Variants in NRDC observed in about 807,000 individuals in gnomAD.
NRDC encodes the protein nardilysin.
A neutral mutation model predicts 147.1 loss-of-function variants in NRDC; 54 were observed. The ratio of observed to expected loss-of-function variants is 0.37; its 90% CI spans 0.29 to 0.46. The LOEUF (loss-of-function observed/expected upper bound fraction) is 0.46. Ranked by LOEUF, NRDC falls within the 20% of genes least tolerant of loss-of-function variation. NRDC has a pLI of 1.00. For synonymous variants in NRDC, 440 were observed against 482.1 expected, an observed-to-expected ratio of 0.91 and a Z score of 1.14; for missense variants, 1,082 against 1,370.6, an observed-to-expected ratio of 0.79 and a Z score of 3.33.
At chr1:51,861,098 C>A (rs1029430461) in intron 1 of NRDC, among the ~76,000 whole-genome samples, 2 of 151,382 alleles carry the variant, frequency 1.3e-5, no homozygotes, top group Admixed American at 1.3e-4. Flanking sequence ...TATAGGCGGG[C>A]ATCACCATGC....
chr1:51,794,985 C>T, intron 22 of NRDC, 131 bp from the exon 23 acceptor site: 1 of 1,535,074 alleles, frequency 6.5e-7, no homozygotes, highest in Non-Finnish European at 8.8e-7. Context: ...AGTTGGTGAC[C>T]TAAATGCTGG....
At chr1:51,844,799 G>A (rs75054156) in intron 1 of NRDC, among the ~76,000 whole-genome samples, 1 of 90,618 alleles carries the variant, frequency 1.1e-5, no homozygotes, top group African/African-American at 4.5e-5. Context: ...AGGGGAGGAG[G>A]GGGGAGGGAG....
intron 24 of NRDC, 63 bp downstream of exon 24, chr1:51,794,409 G>C: frequency 1.3e-6 from 2 of 1,551,786 alleles, no homozygotes; most frequent in Non-Finnish European, 1.8e-6. Flanking sequence ...GGCCTTGAAG[G>C]TCACGGGGTC....
At chr1:51,805,271 G>A (rs1679410075) in intron 19 of NRDC, among the ~76,000 whole-genome samples, 1 of 152,174 alleles carries the variant, frequency 6.6e-6, no homozygotes, top group Non-Finnish European at 1.5e-5. Flanking sequence ...GGAACTAATT[G>A]CTCTAGTCTA....
chr1:51,878,704 G>T lies in NRDC; in HGVS notation c.-89C>A. On this transcript the variant is annotated 5_prime_UTR_variant, in exon 1 of 31. Transcript: ENST00000352171. ...GGCGGTGGCGGCCGGCCCTGGTGCT[G>T]CCGCAGCCGCGGGGAACAGGCCTGA... The T allele has an allele frequency of 2.5e-6, 3 of 1,200,322 alleles. No individual in the cohort carries two copies. The highest frequency in any genetic ancestry group is 3.5e-6 in the Non-Finnish European group (3 of 852,064). The allele number at this position is 1,200,322 out of a possible 1,614,324, so 74.4% of individuals were successfully genotyped here. A position where few individuals can be genotyped will look rare whatever the true frequency, so the allele number is the denominator to read the frequency against.
intron 1 of NRDC, among the ~76,000 whole-genome samples, chr1:51,856,938 G>A (rs1682278262): frequency 6.6e-6 from 1 of 152,096 alleles, no homozygotes; most frequent in Non-Finnish European, 1.5e-5. Context: ...TACAAGCCAG[G>A]AACAATGGAT....
intron 16 of NRDC, among the ~76,000 whole-genome samples, 176 bp from the exon 17 acceptor site, chr1:51,809,577 C>T (rs1039033431): frequency 6.6e-6 from 1 of 152,178 alleles, no homozygotes; most frequent in African/African-American, 2.4e-5. Context: ...CCTAGCAGCA[C>T]TGGCATCACC....
intron 17 of NRDC, 149 bp from the exon 18 acceptor site, chr1:51,807,062 T>C (rs1298386488): frequency 5.0e-6 from 4 of 794,832 alleles, no homozygotes; most frequent in Non-Finnish European, 5.7e-6. Flanking sequence ...AGTAGACCAA[T>C]ACCAAAGGGA....
chr1:51,837,465 G>A, intron 2 of NRDC: 1 of 1,542,194 alleles, frequency 6.5e-7, no homozygotes, highest in South Asian at 1.2e-5. Context: ...CCTGTTCTGT[G>A]ATGTTTTAAT....
intron 2 of NRDC, chr1:51,836,576 GAAGT>G (rs1680987094): frequency 1.5e-6 from 1 of 685,950 alleles, no homozygotes; most frequent in South Asian, 1.8e-5. Context: ...GAAATCTGCG[GAAGT>G]AACATATCTA....
intron 7 of NRDC, among the ~76,000 whole-genome samples, 166 bp from the exon 8 acceptor site, chr1:51,821,721 C>T (rs1571868364): frequency 6.6e-6 from 1 of 152,222 alleles, no homozygotes; most frequent in East Asian, 1.9e-4. Context: ...GGAAAAATAA[C>T]AGTAGAAAAG....
At position 51,794,532 on chromosome 1, in the gene NRDC, T is replaced by C. The variant is rs778187019; in HGVS notation, c.2715A>G (p.Leu905=). ...CCTTGTTCAGAGCTTTCACTTTGCA[T>C]AGATGGTGGCCACTGGGCAGCTCTA... The part of the protein sequence containing the change: ...QVVELPSGHH[L]CKVKALNKGD... The change falls in exon 24 of 31, where the codon CTA becomes CTG. Residue 905 remains leucine, a synonymous_variant. Coordinates refer to ENST00000352171, the MANE Select transcript of NRDC (RefSeq NM_001101662.2). The C allele has an allele frequency of 1.9e-6, 3 of 1,614,148 alleles. No homozygotes were observed. The highest frequency in any genetic ancestry group is 1.1e-5 in the South Asian group (1 of 91,072).
chr1:51,834,565 C>T (rs182624107), intron 3 of NRDC, among the ~76,000 whole-genome samples: 101 of 152,280 alleles, frequency 6.6e-4, no homozygotes, highest in African/African-American at 2.2e-3. Context: ...ATCTGCCCAC[C>T]TCGGCCTCCC....
chr1:51,832,442 A>T (rs1314306949), intron 4 of NRDC, among the ~76,000 whole-genome samples: 1 of 152,200 alleles, frequency 6.6e-6, no homozygotes, highest in Non-Finnish European at 1.5e-5. Flanking sequence ...GCTATAAAGG[A>T]ACTGCATTAA....
intron 4 of NRDC, among the ~76,000 whole-genome samples, chr1:51,828,554 T>C (rs1057401689): frequency 3.4e-4 from 51 of 152,228 alleles, no homozygotes; most frequent in Admixed American, 2.5e-3. Context: ...TTTTTAATTA[T>C]ATAAACTGTG....
chr1:51,867,408 A>G (rs1384839098), intron 1 of NRDC, among the ~76,000 whole-genome samples: 1 of 152,252 alleles, frequency 6.6e-6, no homozygotes, highest in Non-Finnish European at 1.5e-5. Context: ...AGTGCTATAA[A>G]AAAAAAGAGT....
chr1:51,845,849 C>G (rs529041625), intron 1 of NRDC, among the ~76,000 whole-genome samples: 1 of 152,060 alleles, frequency 6.6e-6, no homozygotes, highest in African/African-American at 2.4e-5. Context: ...ATTTAATAAA[C>G]AGATATTGAA....
At chr1:51,831,348 T>C (rs952650318) in intron 4 of NRDC, among the ~76,000 whole-genome samples, 1 of 152,192 alleles carries the variant, frequency 6.6e-6, no homozygotes, top group Non-Finnish European at 1.5e-5. Context: ...CAAAGCTAAA[T>C]ATAAAGTTGT....
chr1:51,864,868 T>C (rs1236843603), intron 1 of NRDC, among the ~76,000 whole-genome samples: 3 of 151,710 alleles, frequency 2.0e-5, no homozygotes, highest in African/African-American at 7.3e-5. Context: ...GGGAGTCGCT[T>C]GAACCCGGGA....
Sources: allele counts gnomAD v4.1 joint callset (sites outside exome capture counted in the v4.1 genomes callset), GRCh38; gene constraint gnomAD v4.1.1; transcripts MANE v1.5; gene names NCBI Gene and HGNC (gene_info 2026-07-23, HGNC 2026-07-21).